ZC2HC1A: variants seen among roughly 807,000 people sequenced by gnomAD.
The protein encoded by ZC2HC1A is zinc finger C2HC domain-containing protein 1A.
In ZC2HC1A, 28 loss-of-function variants were observed where a neutral mutation model predicts 40.7. The observed-to-expected ratio is 0.69, with a 90% CI of 0.51 to 0.94. The LOEUF is 0.94. Ranked by LOEUF, ZC2HC1A falls within the 40% of genes least tolerant of loss-of-function variation. The pLI is 0.00. For synonymous variants in ZC2HC1A, 129 were observed against 129.2 expected (o/e 1.00, Z 0.01); for missense variants, 389 against 386.3 (o/e 1.01, Z -0.06).
intron 3 of ZC2HC1A, 145 bp downstream of exon 3, chr8:78,678,824 G>C: frequency 2.1e-6 from 1 of 475,228 alleles, no homozygotes. Context: ...TGTGTTATAT[G>C]TTCAGTTTAG....
At chr8:78,696,411 C>T (rs1441651039) in intron 5 of ZC2HC1A, among the ~76,000 whole-genome samples, 1 of 152,144 alleles carries the variant, frequency 6.6e-6, no homozygotes, top group African/African-American at 2.4e-5. Flanking sequence ...GTATGATTTT[C>T]ACCTTATGGT....
intron 2 of ZC2HC1A, among the ~76,000 whole-genome samples, chr8:78,676,781 A>G (rs1809594839): frequency 6.6e-6 from 1 of 151,942 alleles, no homozygotes; most frequent in Non-Finnish European, 1.5e-5. Flanking sequence ...TTATCAATTT[A>G]TTATTTTTCA....
intron 3 of ZC2HC1A, among the ~76,000 whole-genome samples, chr8:78,681,133 A>T (rs1314785727): frequency 6.6e-6 from 1 of 151,954 alleles, no homozygotes; most frequent in Non-Finnish European, 1.5e-5. Context: ...GTAATTACAC[A>T]GAGACGCCTT....
chr8:78,693,255 G>A (rs1165342248), intron 5 of ZC2HC1A, among the ~76,000 whole-genome samples: 1 of 152,072 alleles, frequency 6.6e-6, no homozygotes, highest in Non-Finnish European at 1.5e-5. Flanking sequence ...CCAGTAATGG[G>A]ATGGCTGGGT....
chr8:78,686,921 C>T (rs1041779047), intron 4 of ZC2HC1A, among the ~76,000 whole-genome samples: 21 of 151,910 alleles, frequency 1.4e-4, no homozygotes, highest in East Asian at 1.9e-4. Flanking sequence ...ATGCTCACTG[C>T]GGATTGAAAT....
rs922702157 is a variant in ZC2HC1A, at chr8:78,718,513, G to A, written c.*1020G>A. ...AAAAATATTTGAATTTTTTTTTCTT[G>A]GAAGTACATGTAGTTATGAGTAGGT... On this transcript the variant is annotated 3_prime_UTR_variant, in exon 9 of 9. Coordinates refer to ENST00000263849, the MANE Select transcript of ZC2HC1A (RefSeq NM_016010.3). The A allele has an allele frequency of 6.6e-6, 1 of 151,324 alleles. No individual in the cohort carries two copies. The highest frequency in any genetic ancestry group is 2.4e-5 in the African/African-American group (1 of 41,282). 9.4% of individuals were successfully genotyped at this position (151,324 alleles called of 1,614,324 possible). A position where few individuals can be genotyped will look rare whatever the true frequency, so the allele number is the denominator to read the frequency against.
At chr8:78,710,775 A>G (rs1810927145) in intron 7 of ZC2HC1A, among the ~76,000 whole-genome samples, 1 of 152,140 alleles carries the variant, frequency 6.6e-6, no homozygotes, top group Non-Finnish European at 1.5e-5. Flanking sequence ...TAGAAATTTT[A>G]CTTAATACAT....
At chr8:78,716,206 T>C (rs1427106289) in intron 8 of ZC2HC1A, among the ~76,000 whole-genome samples, 1 of 151,610 alleles carries the variant, frequency 6.6e-6, no homozygotes, top group Non-Finnish European at 1.5e-5. Flanking sequence ...CACTGCAAGC[T>C]GTGCCTCCCA....
Position 78,678,676 on chromosome 8 carries a change from G to A in ZC2HC1A, c.207G>A (p.Pro69=), listed in dbSNP as rs757649886. 1.6e-5 allele frequency: 26 copies of A among 1,603,104 alleles called. No individual in the cohort carries two copies. The highest frequency in any genetic ancestry group is 2.7e-5 in the African/African-American group (2 of 74,038). Residue 69 remains proline (P), a synonymous_variant, in exon 3 of 9, where the codon CCG becomes CCA. Coordinates refer to ENST00000263849, the MANE Select transcript of ZC2HC1A (RefSeq NM_016010.3). ...TDIPTVKPLK[P]RPEPPKKPSN... is the part of the protein sequence containing the mutation. ...TTCCAACAGTAAAACCTCTCAAACCGAGGGTAACTATATAACCTTTTGAAC... is the reference window on the plus strand; with the variant it reads ...TTCCAACAGTAAAACCTCTCAAACCAAGGGTAACTATATAACCTTTTGAAC...
At chr8:78,678,323 A>G (rs1026383754) in intron 2 of ZC2HC1A, among the ~76,000 whole-genome samples, 1 of 152,184 alleles carries the variant, frequency 6.6e-6, no homozygotes, top group East Asian at 1.9e-4. Context: ...ACTTAATGAC[A>G]TGTTAGAAGA....
chr8:78,676,531 A>C (rs1056525862), intron 2 of ZC2HC1A, among the ~76,000 whole-genome samples: 1 of 152,034 alleles, frequency 6.6e-6, no homozygotes, highest in Non-Finnish European at 1.5e-5. Context: ...TTCAAACACA[A>C]ATACACATTT....
At chr8:78,696,236 G>C (rs947487194) in intron 5 of ZC2HC1A, among the ~76,000 whole-genome samples, 1 of 152,156 alleles carries the variant, frequency 6.6e-6, no homozygotes, top group African/African-American at 2.4e-5. Context: ...GGGTTTCACT[G>C]TGTTAGCCAG....
intron 7 of ZC2HC1A, among the ~76,000 whole-genome samples, chr8:78,711,252 G>A (rs1249576546): frequency 6.6e-6 from 1 of 152,056 alleles, no homozygotes; most frequent in Non-Finnish European, 1.5e-5. Context: ...ATGTTGGTTG[G>A]TGATAGTTTA....
At chr8:78,711,901 G>C (rs979315616) in intron 7 of ZC2HC1A, 3 of 749,594 alleles carry the variant, frequency 4.0e-6, no homozygotes, top group African/African-American at 3.7e-5. Flanking sequence ...GTAGATATCT[G>C]ATGAACCAGA....
At chr8:78,704,600 C>T (rs1337273160) in intron 7 of ZC2HC1A, among the ~76,000 whole-genome samples, 1 of 152,168 alleles carries the variant, frequency 6.6e-6, no homozygotes, top group East Asian at 1.9e-4. Context: ...TCATGAGTAT[C>T]TTACTGGGGT....
intron 6 of ZC2HC1A, among the ~76,000 whole-genome samples, chr8:78,697,735 G>C (rs764855191): frequency 1.8e-4 from 27 of 149,586 alleles, no homozygotes; most frequent in Non-Finnish European, 3.0e-4. Context: ...TTTGAGTGCA[G>C]TGGTGGAATC....
At chr8:78,703,021 C>T (rs541846341) in intron 7 of ZC2HC1A, among the ~76,000 whole-genome samples, 112 of 152,128 alleles carry the variant, frequency 7.4e-4, no homozygotes, top group African/African-American at 2.2e-3. Context: ...CTCAGCCTCT[C>T]GAGCAGCTGG....
At chr8:78,680,269 A>G (rs1459892983) in intron 3 of ZC2HC1A, among the ~76,000 whole-genome samples, 1 of 133,840 alleles carries the variant, frequency 7.5e-6, no homozygotes, top group Non-Finnish European at 1.5e-5. Flanking sequence ...CCTGGGCGAC[A>G]GAGCGAGACT....
At chr8:78,679,748 A>G (rs1809705957) in intron 3 of ZC2HC1A, among the ~76,000 whole-genome samples, 1 of 152,136 alleles carries the variant, frequency 6.6e-6, no homozygotes, top group South Asian at 2.1e-4. Flanking sequence ...GTATAAGAAC[A>G]TTTTTCTAGG....
Sources: allele counts gnomAD v4.1 joint callset (sites outside exome capture counted in the v4.1 genomes callset), GRCh38; gene constraint gnomAD v4.1.1; transcripts MANE v1.5; gene names NCBI Gene and HGNC (gene_info 2026-07-23, HGNC 2026-07-21).